GRAMD2B: variants seen among roughly 807,000 people sequenced by gnomAD.
The protein encoded by GRAMD2B is GRAM domain-containing protein 2B.
In GRAMD2B, 41 loss-of-function variants were observed where a neutral mutation model predicts 59.2. That is an observed-to-expected ratio of 0.69 (90% confidence interval 0.54 to 0.90). GRAMD2B has a LOEUF of 0.90. Ranked by LOEUF, GRAMD2B falls within the 40% of genes least tolerant of loss-of-function variation. The pLI is 0.00. For synonymous variants in GRAMD2B, 161 were observed against 182.7 expected, an observed-to-expected ratio of 0.88 and a Z score of 0.96; for missense variants, 424 against 500.5, an observed-to-expected ratio of 0.85 and a Z score of 1.46.
rs1031089388 is a variant in GRAMD2B, at chr5:126,423,539, A to G, written c.-68A>G. The G allele has an allele frequency of 2.2e-5, 34 of 1,570,178 alleles. 1 individual carries two copies. Among genetic ancestry groups the G allele is most frequent in the East Asian group, 2.1e-4 (9 of 42,982 alleles). ...GCTTGGCCTGCGCACCCGGACCTAGAAGCCGGGACGAGCCGGGGCAGAGCC... is the reference window on the plus strand; with the variant it reads ...GCTTGGCCTGCGCACCCGGACCTAGGAGCCGGGACGAGCCGGGGCAGAGCC... On this transcript the variant is annotated 5_prime_UTR_variant, in exon 1 of 14. Coordinates refer to ENST00000285689, the MANE Select transcript of GRAMD2B (RefSeq NM_023927.4).
chr5:126,389,808 T>C (rs1246581196), intron 1 of GRAMD2B, among the ~76,000 whole-genome samples: 3 of 151,830 alleles, frequency 2.0e-5, no homozygotes, highest in African/African-American at 7.3e-5. Flanking sequence ...ATTAGCTGGA[T>C]GTGGTGGTGC....
chr5:126,429,339 C>T (rs576294799), intron 1 of GRAMD2B, among the ~76,000 whole-genome samples: 12 of 152,142 alleles, frequency 7.9e-5, no homozygotes, highest in African/African-American at 2.6e-4. Context: ...ATGATGAGAA[C>T]ACATGGACAC....
Position 126,371,694 on chromosome 5 carries a change from G to A in GRAMD2B, c.125+127G>A, listed in dbSNP as rs534203720. On this transcript the variant is annotated intron_variant, in intron 1 of 8. Coordinates refer to the GRAMD2B transcript ENST00000506445. ...GGGATCAGCCATGGGAAGAGAAGGT[G>A]CAGCCTAGGCATCCTGACCAGTGGA... 7 of 802,890 alleles carry A rather than the reference G, an allele frequency of 8.7e-6. No individual in the cohort carries two copies. In the African/African-American group the frequency reaches 1.3e-4, roughly 15 times the overall value. 49.7% of individuals were successfully genotyped at this position (802,890 alleles called of 1,614,324 possible).
chr5:126,484,377 A>G, intron 9 of GRAMD2B, 25 bp from the exon 10 acceptor site: 1 of 1,609,384 alleles, frequency 6.2e-7, no homozygotes, highest in Non-Finnish European at 8.5e-7. Context: ...GAGAACACTT[A>G]CCCAGCTCTG....
chr5:126,397,351 C>T (rs72782481), intron 1 of GRAMD2B, among the ~76,000 whole-genome samples: 1,855 of 152,148 alleles, frequency 0.012, 18 homozygotes, highest in South Asian at 0.018. Flanking sequence ...CAGCCTCTTG[C>T]GTAGCTGGGA....
chr5:126,376,634 A>G (rs1315365441), intron 1 of GRAMD2B, among the ~76,000 whole-genome samples: 1 of 152,210 alleles, frequency 6.6e-6, no homozygotes, highest in Non-Finnish European at 1.5e-5. Flanking sequence ...AGTCAAGCCC[A>G]TGGGCTCAGC....
At position 126,423,517 on chromosome 5, in the gene GRAMD2B, T is replaced by G; in HGVS notation, c.-90T>G. The G allele has an allele frequency of 1.3e-6, 2 of 1,547,830 alleles. No homozygotes were observed. Among genetic ancestry groups the G allele is most frequent in the South Asian group, 2.4e-5 (2 of 83,392 alleles). ...AGGGGAGGGCACGGCGCCGCTTGCTTGGCCTGCGCACCCGGACCTAGAAGC... is the reference window on the plus strand; with the variant it reads ...AGGGGAGGGCACGGCGCCGCTTGCTGGGCCTGCGCACCCGGACCTAGAAGC... On this transcript the variant is annotated 5_prime_UTR_variant, in exon 1 of 14. Coordinates refer to ENST00000285689, the MANE Select transcript of GRAMD2B (RefSeq NM_023927.4).
chr5:126,360,443 G>T (rs768889792), exon 1 of GRAMD2B: 24 of 1,551,150 alleles, frequency 1.5e-5, no homozygotes, highest in Non-Finnish European at 1.9e-5. Context: ...GAAGCCAGTG[G>T]GTCCGGACCT....
rs1193461047 is a variant in GRAMD2B at position 126,447,498 on chromosome 5, TAA to T, written c.84-17922_84-17921del. Among the ~76,000 whole-genome samples the T allele has an allele frequency of 5.3e-5, 8 of 151,762 alleles. No individual in the cohort carries two copies. In the East Asian group the frequency reaches 7.8e-4, roughly 15 times the overall value. ...TAACACGGTGAAACCCCGTCTCTAC[TAA>T]AAAAATACAAAAAATTAGCCGGGCG... On this transcript the variant is annotated intron_variant, in intron 1 of 13. Coordinates refer to ENST00000285689, the MANE Select transcript of GRAMD2B (RefSeq NM_023927.4).
intron 2 of GRAMD2B, 44 bp downstream of exon 2, chr5:126,465,589 G>A (rs1283873083): frequency 6.9e-6 from 11 of 1,583,836 alleles, no homozygotes; most frequent in Non-Finnish European, 9.5e-6. Flanking sequence ...TGTCTTTTGG[G>A]GAGAAGGCGT....
intron 1 of GRAMD2B, among the ~76,000 whole-genome samples, chr5:126,401,707 G>C (rs1757854768): frequency 6.6e-6 from 1 of 152,012 alleles, no homozygotes; most frequent in Non-Finnish European, 1.5e-5. Context: ...GTGTTTTATG[G>C]AAACATCTGA....
At chr5:126,447,027 A>G (rs998250783) in intron 1 of GRAMD2B, among the ~76,000 whole-genome samples, 1 of 152,198 alleles carries the variant, frequency 6.6e-6, no homozygotes, top group Non-Finnish European at 1.5e-5. Flanking sequence ...CTCAGTAACT[A>G]GGCAGACTCC....
At chr5:126,435,348 G>T (rs1762235476) in intron 1 of GRAMD2B, among the ~76,000 whole-genome samples, 2 of 152,160 alleles carry the variant, frequency 1.3e-5, no homozygotes, top group Admixed American at 1.3e-4. Context: ...TTTAACTGGA[G>T]GGAGAAAATT....
At chr5:126,435,604 G>A (rs1762286783) in intron 1 of GRAMD2B, among the ~76,000 whole-genome samples, 1 of 152,056 alleles carries the variant, frequency 6.6e-6, no homozygotes, top group African/African-American at 2.4e-5. Context: ...TCTCCTCTTT[G>A]GTCTTCAGTT....
intron 6 of GRAMD2B, among the ~76,000 whole-genome samples, chr5:126,478,914 T>C (rs1771169746): frequency 6.6e-6 from 1 of 152,194 alleles, no homozygotes; most frequent in Non-Finnish European, 1.5e-5. Flanking sequence ...AACTTGCACC[T>C]GCTCTGCAAC....
At chr5:126,372,853 G>T (rs1457186891) in intron 1 of GRAMD2B, among the ~76,000 whole-genome samples, 1 of 152,114 alleles carries the variant, frequency 6.6e-6, no homozygotes, top group Non-Finnish European at 1.5e-5. Flanking sequence ...TAAGTAGACT[G>T]TCATGCAAAT....
intron 1 of GRAMD2B, among the ~76,000 whole-genome samples, chr5:126,409,200 C>G (rs910591098): frequency 1.3e-5 from 2 of 152,130 alleles, no homozygotes; most frequent in South Asian, 2.1e-4. Flanking sequence ...TGGGTATACA[C>G]CCAGTAATGG....
chr5:126,476,095 C>T (rs11748513), intron 5 of GRAMD2B, among the ~76,000 whole-genome samples: 51,828 of 151,590 alleles, frequency 0.34, 9,353 homozygotes, highest in Middle Eastern at 0.45. Context: ...GCAACAAGAA[C>T]GAAACTCCAT....
At chr5:126,429,263 T>C (rs191626729) in intron 1 of GRAMD2B, among the ~76,000 whole-genome samples, 3 of 152,250 alleles carry the variant, frequency 2.0e-5, no homozygotes, top group African/African-American at 7.2e-5. Context: ...GGCCATTATC[T>C]TTAGCAAACA....
Sources: allele counts gnomAD v4.1 joint callset (sites outside exome capture counted in the v4.1 genomes callset), GRCh38; gene constraint gnomAD v4.1.1; transcripts MANE v1.5; gene names NCBI Gene and HGNC (gene_info 2026-07-23, HGNC 2026-07-21).